STIM1: variants seen among roughly 807,000 people sequenced by gnomAD.
The protein encoded by STIM1 is stromal interaction molecule 1.
Under a neutral mutation model 74.7 loss-of-function variants are expected in STIM1, and 25 were observed. The ratio of observed to expected loss-of-function variants is 0.33; its 90% CI spans 0.24 to 0.47. STIM1 has a LOEUF of 0.47. Among genes scored for constraint, STIM1 ranks in the 20% least tolerant of loss-of-function variants. The pLI, the probability that STIM1 is intolerant of heterozygous loss-of-function variation, is 1.00. For synonymous variants in STIM1, 328 were observed against 348.8 expected (o/e 0.94, Z 0.66); for missense variants, 728 against 920.8 (o/e 0.79, Z 2.71).
At chr11:3,941,861 T>C (rs1162210627) in intron 1 of STIM1, among the ~76,000 whole-genome samples, 4 of 151,864 alleles carry the variant, frequency 2.6e-5, no homozygotes, top group Non-Finnish European at 5.9e-5. Flanking sequence ...TAATTTTTTA[T>C]TTTTGTAGAG....
intron 1 of STIM1, among the ~76,000 whole-genome samples, chr11:3,887,216 C>T (rs928569416): frequency 6.6e-6 from 1 of 152,072 alleles, no homozygotes; most frequent in African/African-American, 2.4e-5. Flanking sequence ...TGGGTGAGGG[C>T]CTCTAGGGAG....
intron 1 of STIM1, among the ~76,000 whole-genome samples, chr11:3,962,260 T>C (rs1000169180): frequency 6.6e-6 from 1 of 152,152 alleles, no homozygotes; most frequent in Non-Finnish European, 1.5e-5. Context: ...CTTTTCGAAG[T>C]CTCCACTGCC....
At chr11:3,936,669 TAGTGGCTGC>T (rs1205367273) in intron 1 of STIM1, among the ~76,000 whole-genome samples, 1 of 152,218 alleles carries the variant, frequency 6.6e-6, no homozygotes, top group East Asian at 1.9e-4. Flanking sequence ...GTGACCTTAG[TAGTGGCTGC>T]AGCCCATTCT....
At chr11:3,881,428 T>C (rs1293241490) in intron 1 of STIM1, among the ~76,000 whole-genome samples, 1 of 152,144 alleles carries the variant, frequency 6.6e-6, no homozygotes, top group African/African-American at 2.4e-5. Context: ...TGGAGTGCAG[T>C]GGCATGATCT....
intron 1 of STIM1, among the ~76,000 whole-genome samples, chr11:3,936,956 C>T (rs1212550013): frequency 6.6e-6 from 1 of 152,092 alleles, no homozygotes; most frequent in Non-Finnish European, 1.5e-5. Flanking sequence ...TATGACATAT[C>T]TCATATCTCA....
intron 7 of STIM1, among the ~76,000 whole-genome samples, chr11:4,079,150 G>T (rs2094451956): frequency 6.6e-6 from 1 of 152,000 alleles, no homozygotes; most frequent in Admixed American, 6.6e-5. Flanking sequence ...AATTAGCCGG[G>T]CGTGGTGGCG....
At position 4,059,380 on chromosome 11, in the gene STIM1, C is replaced by A. The variant is rs189905382; in HGVS notation, c.597C>A (p.Leu199=). The part of the protein sequence containing the change: ...KLQLKALDTV[L]FGPPLLTRHN... ...AGCTGAAGGCTCTGGATACAGTGCT[C>A]TTTGGGCCTCCTCTCTGTGAGTCTT... is the stretch of plus-strand genomic sequence containing the variant. The change falls in exon 5 of 13, where the codon CTC becomes CTA. Residue 199 remains leucine, a synonymous_variant. Coordinates refer to ENST00000526596, the MANE Select transcript of STIM1 (RefSeq NM_001382567.1). 216 of 1,614,020 alleles carry A rather than the reference C, an allele frequency of 1.3e-4. 3 individuals are homozygous for A. In the East Asian group the frequency reaches 3.7e-3, roughly 28 times the overall value.
At chr11:3,886,484 C>G (rs1225124398) in intron 1 of STIM1, among the ~76,000 whole-genome samples, 1 of 151,608 alleles carries the variant, frequency 6.6e-6, no homozygotes, top group Non-Finnish European at 1.5e-5. Flanking sequence ...GTCAGGAGAT[C>G]GAGACCACCC....
At chr11:4,015,650 G>C (rs536654535) in intron 2 of STIM1, among the ~76,000 whole-genome samples, 1 of 152,300 alleles carries the variant, frequency 6.6e-6, no homozygotes, top group South Asian at 2.1e-4. Flanking sequence ...TTCTAACTTG[G>C]TTGCATTCTC....
chr11:3,919,533 T>C (rs2092692459), intron 1 of STIM1, among the ~76,000 whole-genome samples: 1 of 152,074 alleles, frequency 6.6e-6, no homozygotes, highest in African/African-American at 2.4e-5. Context: ...TTAGAAGCCA[T>C]GAGTCTTTCA....
intron 2 of STIM1, among the ~76,000 whole-genome samples, chr11:4,019,295 C>G (rs7114954): frequency 2.4e-4 from 36 of 152,174 alleles, no homozygotes; most frequent in African/African-American, 8.2e-4. Flanking sequence ...TATTCCTCTT[C>G]CCTGCTGTTT....
intron 2 of STIM1, among the ~76,000 whole-genome samples, chr11:3,968,495 T>C (rs1195464321): frequency 6.6e-6 from 1 of 152,108 alleles, no homozygotes; most frequent in Non-Finnish European, 1.5e-5. Context: ...CATTGTCAGA[T>C]CCAATGTGAG....
intron 1 of STIM1, among the ~76,000 whole-genome samples, chr11:3,893,449 A>T (rs1413596801): frequency 6.6e-6 from 1 of 152,202 alleles, no homozygotes; most frequent in Non-Finnish European, 1.5e-5. Context: ...TAGTTCTTTG[A>T]CTGGCAGTTG....
chr11:3,921,032 G>A (rs1045655085), intron 1 of STIM1, among the ~76,000 whole-genome samples: 44 of 152,090 alleles, frequency 2.9e-4, no homozygotes, highest in African/African-American at 1.1e-3. Flanking sequence ...CTGACCTCAG[G>A]TAATCTGCCC....
At chr11:4,003,801 C>T (rs1238647751) in intron 2 of STIM1, among the ~76,000 whole-genome samples, 3 of 152,070 alleles carry the variant, frequency 2.0e-5, no homozygotes, top group Non-Finnish European at 4.4e-5. Context: ...CCAAATTGTC[C>T]CTGTTTGCAG....
intron 1 of STIM1, among the ~76,000 whole-genome samples, chr11:3,950,138 T>TC: frequency 6.6e-6 from 1 of 151,336 alleles, no homozygotes; most frequent in East Asian, 1.9e-4. Flanking sequence ...TCATTCATTT[T>TC]TTTTTTTTTT....
At chr11:3,942,246 A>T (rs937985206) in intron 1 of STIM1, among the ~76,000 whole-genome samples, 1 of 152,160 alleles carries the variant, frequency 6.6e-6, no homozygotes, top group Non-Finnish European at 1.5e-5. Context: ...GTCTACTCCA[A>T]TGAGCTGTGC....
At chr11:3,913,099 C>T (rs145808886) in intron 1 of STIM1, among the ~76,000 whole-genome samples, 3 of 152,276 alleles carry the variant, frequency 2.0e-5, no homozygotes, top group Non-Finnish European at 4.4e-5. Flanking sequence ...TTTGTTTAAT[C>T]CACTGTATTT....
intron 12 of STIM1, chr11:4,088,457 A>G: frequency 2.2e-6 from 1 of 456,832 alleles, no homozygotes; most frequent in Non-Finnish European, 4.1e-6. Context: ...TGCCCTTACT[A>G]GGATTATTAC....
Sources: allele counts gnomAD v4.1 joint callset (sites outside exome capture counted in the v4.1 genomes callset), GRCh38; gene constraint gnomAD v4.1.1; transcripts MANE v1.5; gene names NCBI Gene and HGNC (gene_info 2026-07-23, HGNC 2026-07-21).